GRID2: variants seen among roughly 807,000 people sequenced by gnomAD.
GRID2 encodes the protein glutamate ionotropic receptor delta type subunit 2, also known as glutamate receptor ionotropic, delta-2.
GRID2 carries 33 observed loss-of-function variants against 114.8 expected under a neutral mutation model. The observed-to-expected ratio is 0.29, with a 90% confidence interval of 0.22 to 0.38. The LOEUF (loss-of-function observed/expected upper bound fraction) is 0.38. GRID2 is among the 10% of genes least tolerant of loss of function. The pLI, the probability that GRID2 is intolerant of heterozygous loss-of-function variation, is 1.00. For missense variants in GRID2, 1,184 were observed against 1,257.7 expected, an observed-to-expected ratio of 0.94 and a Z score of 0.89; for synonymous variants, 505 against 449.9, an observed-to-expected ratio of 1.12 and a Z score of -1.55.
intron 2 of GRID2, among the ~76,000 whole-genome samples, chr4:92,754,467 C>T (rs887065833): frequency 1.3e-5 from 2 of 152,042 alleles, no homozygotes; most frequent in African/African-American, 2.4e-5. Flanking sequence ...GGTTCAAACC[C>T]AAATCTTTCA....
At chr4:93,654,888 A>G (rs1722875052) in intron 14 of GRID2, among the ~76,000 whole-genome samples, 1 of 152,176 alleles carries the variant, frequency 6.6e-6, no homozygotes, top group South Asian at 2.1e-4. Flanking sequence ...AAATTTTAGC[A>G]TGAAATCTCC....
chr4:92,943,554 C>T (rs1358557525), intron 2 of GRID2, among the ~76,000 whole-genome samples: 6 of 151,990 alleles, frequency 3.9e-5, no homozygotes, highest in African/African-American at 9.7e-5. Context: ...GTAGTTTGAT[C>T]GTCTGAAGCC....
At chr4:93,565,930 G>A (rs1003435244) in intron 13 of GRID2, among the ~76,000 whole-genome samples, 4 of 152,148 alleles carry the variant, frequency 2.6e-5, no homozygotes, top group African/African-American at 4.8e-5. Flanking sequence ...CACTATATTA[G>A]AGTATGAAAA....
At chr4:93,678,536 G>T (rs191234907) in intron 14 of GRID2, among the ~76,000 whole-genome samples, 1 of 151,912 alleles carries the variant, frequency 6.6e-6, no homozygotes, top group African/African-American at 2.4e-5. Flanking sequence ...AGAAAGGTCC[G>T]GTTACCCACA....
intron 4 of GRID2, among the ~76,000 whole-genome samples, chr4:93,157,312 C>A (rs374005032): frequency 6.6e-6 from 1 of 151,638 alleles, no homozygotes; most frequent in Non-Finnish European, 1.5e-5. Flanking sequence ...TAAAAGGTAC[C>A]TTTTCCTTTC....
At chr4:93,203,140 T>C (rs920549251) in intron 4 of GRID2, among the ~76,000 whole-genome samples, 1 of 152,152 alleles carries the variant, frequency 6.6e-6, no homozygotes, top group African/African-American at 2.4e-5. Flanking sequence ...TTCAGTGGCT[T>C]TTTAACATTG....
chr4:92,945,086 T>C (rs1372965754), intron 2 of GRID2, among the ~76,000 whole-genome samples: 1 of 152,180 alleles, frequency 6.6e-6, no homozygotes, highest in Non-Finnish European at 1.5e-5. Context: ...TGAAATTAGA[T>C]TTTAACTGTT....
At chr4:92,420,719 CT>C (rs1731861914) in intron 1 of GRID2, among the ~76,000 whole-genome samples, 2 of 152,320 alleles carry the variant, frequency 1.3e-5, no homozygotes, top group Admixed American at 1.3e-4. Context: ...GAGTGTCTCT[CT>C]GTAGCCCAGG....
At chr4:92,668,624 T>G (rs975911979) in intron 2 of GRID2, among the ~76,000 whole-genome samples, 1 of 151,806 alleles carries the variant, frequency 6.6e-6, no homozygotes, top group Non-Finnish European at 1.5e-5. Flanking sequence ...CAAAACAGTT[T>G]ATACAAGTCA....
At chr4:93,288,683 T>C (rs1753432027) in intron 8 of GRID2, among the ~76,000 whole-genome samples, 1 of 152,232 alleles carries the variant, frequency 6.6e-6, no homozygotes, top group Admixed American at 6.5e-5. Context: ...CTGCTAACCA[T>C]ACATTGATAT....
At chr4:92,355,218 A>G (rs927070451) in intron 1 of GRID2, among the ~76,000 whole-genome samples, 3 of 151,870 alleles carry the variant, frequency 2.0e-5, no homozygotes, top group Admixed American at 2.0e-4. Flanking sequence ...TTACGTATGT[A>G]GTTTCTAAAA....
intron 1 of GRID2, among the ~76,000 whole-genome samples, chr4:92,477,891 A>G (rs1279556653): frequency 6.7e-6 from 1 of 149,528 alleles, no homozygotes; most frequent in Non-Finnish European, 1.5e-5. Flanking sequence ...AGATACACAA[A>G]TTGAAAAACA....
chr4:93,561,942 T>C (rs1734963426), intron 13 of GRID2, among the ~76,000 whole-genome samples: 1 of 152,172 alleles, frequency 6.6e-6, no homozygotes, highest in South Asian at 2.1e-4. Context: ...AAGTACATCT[T>C]GGTTGCTTCC....
chr4:93,765,131 C>T (rs1283977728), intron 14 of GRID2, among the ~76,000 whole-genome samples: 2 of 152,192 alleles, frequency 1.3e-5, no homozygotes, highest in Admixed American at 6.5e-5. Context: ...ACCACACTTG[C>T]TTTACATAAT....
At chr4:92,506,628 A>C (rs1386141324) in intron 1 of GRID2, among the ~76,000 whole-genome samples, 3 of 152,048 alleles carry the variant, frequency 2.0e-5, no homozygotes, top group East Asian at 1.9e-4. Flanking sequence ...TTAAGAGAAA[A>C]TGATTTTCTG....
At chr4:93,450,078 T>C (rs1444152815) in intron 10 of GRID2, among the ~76,000 whole-genome samples, 1 of 151,932 alleles carries the variant, frequency 6.6e-6, no homozygotes, top group Non-Finnish European at 1.5e-5. Context: ...ATAAAAATGA[T>C]ACAGCCTCCA....
At chr4:93,706,994 G>C (rs987118399) in intron 14 of GRID2, among the ~76,000 whole-genome samples, 2 of 152,088 alleles carry the variant, frequency 1.3e-5, no homozygotes, top group African/African-American at 4.8e-5. Flanking sequence ...CTGTTAATAT[G>C]ATGTATCACA....
intron 2 of GRID2, among the ~76,000 whole-genome samples, chr4:92,840,206 T>A (rs1368990183): frequency 6.6e-6 from 1 of 152,102 alleles, no homozygotes; most frequent in East Asian, 1.9e-4. Flanking sequence ...TCTATGTGTG[T>A]CTTTACAGGT....
At chr4:93,316,287 AGAAC>A (rs1366234272) in intron 8 of GRID2, among the ~76,000 whole-genome samples, 8 of 49,988 alleles carry the variant, frequency 1.6e-4, no homozygotes, top group African/African-American at 4.0e-4. Flanking sequence ...AAAGAACGAA[AGAAC>A]GAAAGAAAGA....
Sources: gnomAD v4.1 joint callset for allele counts (sites outside exome capture counted in the v4.1 genomes callset) on GRCh38, gnomAD v4.1.1 for gene constraint, MANE v1.5 for transcripts, NCBI Gene and HGNC (gene_info 2026-07-23, HGNC 2026-07-21) for gene names.